The following CNBD2 variants were observed in gnomAD, a reference collection of about 807,000 sequenced individuals.
CNBD2 encodes cyclic nucleotide-binding domain-containing protein 2.
In CNBD2, 64 loss-of-function variants were observed where a neutral mutation model predicts 63.7. The observed-to-expected ratio is 1.00, with a 90% CI of 0.82 to 1.24. The LOEUF (loss-of-function observed/expected upper bound fraction) is 1.24, where lower values mean the gene tolerates loss of function less well. CNBD2 is among the 50% of genes most tolerant of loss of function. The pLI is 0.00. For missense variants in CNBD2, 691 were observed against 713.5 expected (o/e 0.97, Z 0.36); for synonymous variants, 229 against 255.4 (o/e 0.90, Z 0.99).
At chr20:35,971,476 C>T (rs1294890140) in intron 1 of CNBD2, among the ~76,000 whole-genome samples, 4 of 152,086 alleles carry the variant, frequency 2.6e-5, no homozygotes, top group Non-Finnish European at 4.4e-5. Flanking sequence ...AGTGCAGAGG[C>T]GCGATCTCAG....
intron 7 of CNBD2, among the ~76,000 whole-genome samples, chr20:35,989,836 A>G (rs1419343336): frequency 2.0e-5 from 3 of 147,296 alleles, no homozygotes; most frequent in African/African-American, 5.0e-5. Flanking sequence ...GCAAGACCCT[A>G]TCTCTAAGAA....
chr20:35,970,771 A>G (rs2056401940), intron 1 of CNBD2, among the ~76,000 whole-genome samples: 2 of 152,108 alleles, frequency 1.3e-5, no homozygotes, highest in Admixed American at 1.3e-4. Flanking sequence ...GTTGGAGTGC[A>G]GTGGCACGAT....
intron 2 of CNBD2, chr20:35,974,736 CAT>C (rs1442344634): frequency 6.6e-6 from 1 of 152,242 alleles, no homozygotes; most frequent in Non-Finnish European, 1.5e-5. Context: ...GAACAAATGA[CAT>C]GTGGCTTGAG....
intron 11 of CNBD2, among the ~76,000 whole-genome samples, chr20:36,025,091 A>T (rs998326198): frequency 8.5e-5 from 13 of 152,328 alleles, no homozygotes; most frequent in African/African-American, 3.1e-4. Flanking sequence ...TGTTTTATTT[A>T]AAAAATGGTA....
intron 11 of CNBD2, among the ~76,000 whole-genome samples, chr20:36,029,287 A>T (rs529773294): frequency 3.3e-5 from 5 of 152,206 alleles, no homozygotes; most frequent in Non-Finnish European, 5.9e-5. Context: ...TGAAAATTAA[A>T]TGAGTTCACA....
chr20:35,969,507 A>G (rs1422534085), intron 1 of CNBD2, among the ~76,000 whole-genome samples: 1 of 152,064 alleles, frequency 6.6e-6, no homozygotes, highest in East Asian at 1.9e-4. Context: ...CTTCCTGTTT[A>G]TATTTTTATA....
At chr20:35,984,258 G>A (rs531649749) in intron 5 of CNBD2, 120 bp downstream of exon 5, 51 of 1,036,508 alleles carry the variant, frequency 4.9e-5, no homozygotes, top group Admixed American at 2.0e-4. Context: ...TCAGTGTCCC[G>A]TGTGGGCCCC....
chr20:35,987,564 A>C, intron 7 of CNBD2, 31 bp downstream of exon 7: 1 of 1,613,110 alleles, frequency 6.2e-7, no homozygotes, highest in Non-Finnish European at 8.5e-7. Context: ...GATGAGGGTG[A>C]ACCTCTGAGG....
intron 10 of CNBD2, among the ~76,000 whole-genome samples, chr20:36,023,022 C>T (rs891636095): frequency 6.6e-6 from 1 of 152,208 alleles, no homozygotes; most frequent in African/African-American, 2.4e-5. Context: ...TGTAATTGGA[C>T]ATTGGGGAAA....
intron 10 of CNBD2, among the ~76,000 whole-genome samples, chr20:36,016,755 C>T (rs1370233382): frequency 6.7e-6 from 1 of 149,374 alleles, no homozygotes; most frequent in Non-Finnish European, 1.5e-5. Flanking sequence ...CACCACTGCA[C>T]TCCAGCCTGT....
intron 7 of CNBD2, among the ~76,000 whole-genome samples, chr20:35,990,098 C>T (rs1334414623): frequency 1.3e-5 from 2 of 152,180 alleles, no homozygotes; most frequent in African/African-American, 4.8e-5. Context: ...CAATTGTGAG[C>T]ATCTCTTCCC....
downstream of CNBD2, among the ~76,000 whole-genome samples, chr20:35,955,881 G>A (rs898600962): frequency 6.6e-6 from 1 of 152,028 alleles, no homozygotes; most frequent in Admixed American, 6.6e-5. Context: ...CACCACACCC[G>A]GCTAATATTT....
upstream of CNBD2, chr20:35,954,400 C>T (rs2056223787): frequency 1.3e-6 from 2 of 1,559,020 alleles, no homozygotes; most frequent in Middle Eastern, 1.7e-4. Flanking sequence ...CTCGCGTCAC[C>T]CTTGAGGGAG....
chr20:35,969,940 G>A (rs964312607), intron 1 of CNBD2, among the ~76,000 whole-genome samples: 4 of 152,162 alleles, frequency 2.6e-5, no homozygotes, highest in African/African-American at 9.7e-5. Context: ...GTGCAAAATA[G>A]TATCATGTTA....
At chr20:36,005,210 C>T (rs549255097) in intron 8 of CNBD2, among the ~76,000 whole-genome samples, 39 of 152,282 alleles carry the variant, frequency 2.6e-4, no homozygotes, top group Admixed American at 1.6e-3. Context: ...AGGCTGGTTT[C>T]GTGGAAGACA....
chr20:35,985,746 C>T (rs921202495), intron 6 of CNBD2, among the ~76,000 whole-genome samples: 14 of 152,180 alleles, frequency 9.2e-5, no homozygotes, highest in African/African-American at 2.9e-4. Context: ...CCTTGGCCTC[C>T]CAAAGTGCTG....
At chr20:35,996,066 G>T (rs2056820434) in intron 8 of CNBD2, among the ~76,000 whole-genome samples, 1 of 152,078 alleles carries the variant, frequency 6.6e-6, no homozygotes, top group South Asian at 2.1e-4. Flanking sequence ...AGTCTTCCTG[G>T]TTTCTCATGC....
intron 3 of CNBD2, among the ~76,000 whole-genome samples, chr20:35,977,206 A>C (rs2056533243): frequency 6.6e-6 from 1 of 152,206 alleles, no homozygotes; most frequent in Non-Finnish European, 1.5e-5. Context: ...CACAAAGGGA[A>C]AATTCTTTGT....
chr20:35,972,644 G>A lies in CNBD2; in HGVS notation c.67G>A (p.Ala23Thr), dbSNP rs1420088490. The change falls in exon 2 of 12, where the codon GCC (alanine) becomes ACC (threonine). Residue 23 changes from alanine (A) to threonine (T), a missense_variant. By Grantham distance (58) the Ala-to-Thr change is moderately conservative (BLOSUM62 0). Coordinates refer to ENST00000373973, the MANE Select transcript of CNBD2 (RefSeq NM_001365709.1). ...LKKELGLYQL[A>T]MDIIIMIRVC... The stretch of plus-strand genomic sequence containing the variant: ...GTTTCCATAGGGACTGTACCAGCTC[G>A]CCATGGATATCATCATAATGATCCG... 16 of 1,613,862 alleles carry A rather than the reference G, an allele frequency of 9.9e-6. No homozygotes were observed. The highest frequency in any genetic ancestry group is 2.7e-5 in the African/African-American group (2 of 74,880).
Sources: allele counts gnomAD v4.1 joint callset (sites outside exome capture counted in the v4.1 genomes callset), GRCh38; gene constraint gnomAD v4.1.1; transcripts MANE v1.5; gene names NCBI Gene and HGNC (gene_info 2026-07-23, HGNC 2026-07-21).